The following CRB1 variants were observed in gnomAD, a reference collection of about 807,000 sequenced individuals.
CRB1 encodes the protein crumbs cell polarity complex component 1.
A neutral mutation model predicts 120.0 loss-of-function variants in CRB1; 83 were observed. The ratio of observed to expected loss-of-function variants is 0.69; its 90% CI spans 0.58 to 0.83. The LOEUF is 0.83. Among genes scored for constraint, CRB1 ranks in the 40% least tolerant of loss-of-function variants. CRB1 has a pLI of 0.00. For synonymous variants in CRB1, 625 were observed against 612.5 expected (o/e 1.02, Z -0.30); for missense variants, 1,699 against 1,687.6 (o/e 1.01, Z -0.12).
At chr1:197,209,531 A>G in the CRB1 span, among the ~76,000 whole-genome samples, 1 of 151,878 alleles carries the variant, frequency 6.6e-6, no homozygotes, top group African/African-American at 2.4e-5. Flanking sequence ...TATTTTTAGT[A>G]AGGACAGGGT....
intron 2 of CRB1, among the ~76,000 whole-genome samples, chr1:197,329,690 T>C (rs563482331): frequency 5.6e-4 from 85 of 152,346 alleles, no homozygotes; most frequent in African/African-American, 1.9e-3. Context: ...TTTGAATCAC[T>C]GTTACTGTTT....
rs1429879066 is a variant in CRB1, at chr1:197,363,387, T to A, written c.1171+6374T>A. ...TCTTTAGCCATTCTATGAGGGTAGGTATGCTAGTGACAATTTCTTTTGGTT... is the reference window on the plus strand; with the variant it reads ...TCTTTAGCCATTCTATGAGGGTAGGAATGCTAGTGACAATTTCTTTTGGTT... On this transcript the variant is annotated intron_variant, in intron 5 of 11. Coordinates refer to ENST00000367400, the MANE Select transcript of CRB1 (RefSeq NM_201253.3). Among the ~76,000 whole-genome samples the A allele has an allele frequency of 1.3e-5, 2 of 152,146 alleles. 1 individual carries two copies. Among genetic ancestry groups the A allele is most frequent in the African/African-American group, 4.8e-5 (2 of 41,426 alleles).
the CRB1 span, among the ~76,000 whole-genome samples, chr1:197,238,575 G>A: frequency 2.0e-5 from 3 of 152,132 alleles, no homozygotes; most frequent in Non-Finnish European, 1.5e-5. Flanking sequence ...ACCAGTTGCA[G>A]TGGCTCATGC....
chr1:197,249,142 T>C, the CRB1 span, among the ~76,000 whole-genome samples: 2 of 151,928 alleles, frequency 1.3e-5, no homozygotes, highest in East Asian at 1.9e-4. Context: ...ACCATACATA[T>C]CATTTTTCAC....
chr1:197,254,921 T>C, the CRB1 span, among the ~76,000 whole-genome samples: 1 of 152,132 alleles, frequency 6.6e-6, no homozygotes. Flanking sequence ...GATCTTATCT[T>C]CAACAGGGTC....
At chr1:197,378,750 TTACTCTC>T (rs1661780730) in intron 5 of CRB1, among the ~76,000 whole-genome samples, 1 of 152,236 alleles carries the variant, frequency 6.6e-6, no homozygotes, top group Non-Finnish European at 1.5e-5. Flanking sequence ...AAATAACAGT[TTACTCTC>T]TACTGATAAA....
chr1:197,236,347 G>A, the CRB1 span, among the ~76,000 whole-genome samples: 1 of 152,022 alleles, frequency 6.6e-6, no homozygotes. Context: ...CTACAGGCAT[G>A]TGCCACCATG....
the CRB1 span, among the ~76,000 whole-genome samples, chr1:197,227,829 A>G: frequency 1.3e-5 from 2 of 152,158 alleles, no homozygotes. Context: ...TCCTGCAGCA[A>G]ACTTTTGCCT....
intron 5 of CRB1, among the ~76,000 whole-genome samples, chr1:197,403,496 G>A (rs1410085992): frequency 6.6e-6 from 1 of 152,176 alleles, no homozygotes; most frequent in African/African-American, 2.4e-5. Flanking sequence ...TAGATAGAGT[G>A]CTACTTGCAA....
intron 1 of CRB1, among the ~76,000 whole-genome samples, chr1:197,312,876 T>A (rs192944626): frequency 6.6e-6 from 1 of 152,344 alleles, no homozygotes; most frequent in East Asian, 1.9e-4. Flanking sequence ...ATATATCAAG[T>A]GCATTAATCC....
chr1:197,300,209 C>CT (rs1433122971), intron 1 of CRB1, among the ~76,000 whole-genome samples: 1 of 151,952 alleles, frequency 6.6e-6, no homozygotes, highest in Non-Finnish European at 1.5e-5. Flanking sequence ...GGTCACCCAA[C>CT]TATCACTTTA....
At position 197,427,809 on chromosome 1, in the gene CRB1, T is replaced by G; in HGVS notation, c.2484T>G (p.Asp828Glu). 1 of 1,614,046 alleles carries G rather than the reference T, an allele frequency of 6.2e-7. No homozygotes were observed. Residue 828 changes from aspartate (D) to glutamate (E), a missense_variant, in exon 7 of 12, where the codon GAT (aspartate) becomes GAG (glutamate). Asp to Glu is a conservative substitution (Grantham distance 45). Coordinates refer to ENST00000367400, the MANE Select transcript of CRB1 (RefSeq NM_201253.3). ...CTACGTGGAAAATCGAAAAGGGAGA[T>G]GTCATCTACATTGGTGGCCTACCTG... ...SASTWKIEKGDVIYIGGLPDK... is the reference protein window; with the variant it reads ...SASTWKIEKGEVIYIGGLPDK...
Position 197,374,076 on chromosome 1 carries a change from C to T in CRB1, c.1171+17063C>T, listed in dbSNP as rs1211611719. Among the ~76,000 whole-genome samples the T allele has an allele frequency of 4.6e-5, 7 of 152,070 alleles. No individual in the cohort carries two copies. The South Asian group carries it at 1.0e-3, about 22-fold the overall frequency. Reference sequence around the variant, plus strand: ...TCAGGCCAATTTTTGGCAGGAGTCTCCTTTGGTATGCAGTTTCTAGATTAG... The same window carrying T: ...TCAGGCCAATTTTTGGCAGGAGTCTTCTTTGGTATGCAGTTTCTAGATTAG... On this transcript the variant is annotated intron_variant, in intron 5 of 11. Transcript: ENST00000367400.
chr1:197,296,996 T>A (rs755021133), intron 1 of CRB1, among the ~76,000 whole-genome samples: 55 of 152,084 alleles, frequency 3.6e-4, no homozygotes, highest in Non-Finnish European at 7.4e-4. Flanking sequence ...GAAAACGGAC[T>A]AATACACAAG....
intron 5 of CRB1, chr1:197,364,055 AGGCAGATCCGTGGCGGGGCTGCTGAGGCG>A (rs1017202084): frequency 4.4e-5 from 59 of 1,346,478 alleles, no homozygotes; most frequent in Non-Finnish European, 5.9e-5. Flanking sequence ...CGAAAGAATC[AGGCAGATCCGTGGCGGGGCTGCTGAGGCG>A]GGCAGATCCG....
At chr1:197,267,650 T>C (rs1355475446), upstream of CRB1, among the ~76,000 whole-genome samples, 2 of 152,234 alleles carry the variant, frequency 1.3e-5, no homozygotes, top group Non-Finnish European at 2.9e-5. Flanking sequence ...ACTTGAACAA[T>C]TTAATCTGAG....
At chr1:197,441,484 C>T (rs1301051927) in intron 10 of CRB1, 2 of 152,086 alleles carry the variant, frequency 1.3e-5, no homozygotes, top group African/African-American at 2.4e-5. Flanking sequence ...GAAAGTCATT[C>T]TACCTCAACA....
At chr1:197,373,404 G>A (rs1661475592) in intron 5 of CRB1, among the ~76,000 whole-genome samples, 1 of 152,124 alleles carries the variant, frequency 6.6e-6, no homozygotes, top group Non-Finnish European at 1.5e-5. Context: ...TTTAGATGTG[G>A]CTGCCCTTCA....
intron 4 of CRB1, among the ~76,000 whole-genome samples, chr1:197,349,066 A>T (rs1472734903): frequency 6.6e-6 from 1 of 152,072 alleles, no homozygotes; most frequent in Non-Finnish European, 1.5e-5. Flanking sequence ...TCATGTTAGT[A>T]CCCTACACAG....
Sources: gnomAD v4.1 joint callset for allele counts (sites outside exome capture counted in the v4.1 genomes callset) on GRCh38, gnomAD v4.1.1 for gene constraint, MANE v1.5 for transcripts, NCBI Gene and HGNC (gene_info 2026-07-23, HGNC 2026-07-21) for gene names.